FRMD1: variants seen among roughly 807,000 people sequenced by gnomAD.
The protein encoded by FRMD1 is FERM domain-containing protein 1.
FRMD1 carries 51 observed loss-of-function variants against 54.9 expected under a neutral mutation model. That is an observed-to-expected ratio of 0.93 (90% CI 0.74 to 1.17). The LOEUF (loss-of-function observed/expected upper bound fraction) is 1.17. Among genes scored for constraint, FRMD1 ranks in the 50% most tolerant of loss-of-function variants. FRMD1 has a pLI of 0.00. For synonymous variants in FRMD1, 324 were observed against 306.4 expected, an observed-to-expected ratio of 1.06 and a Z score of -0.60; for missense variants, 729 against 743.0, an observed-to-expected ratio of 0.98 and a Z score of 0.22.
chr6:168,057,958 T>A (rs951708805), intron 10 of FRMD1, among the ~76,000 whole-genome samples: 1 of 152,248 alleles, frequency 6.6e-6, no homozygotes, highest in South Asian at 2.1e-4. Flanking sequence ...CTTGCCCTTC[T>A]ACGCGTGTTT....
chr6:168,066,083 G>A (rs549549212), intron 4 of FRMD1: 1 of 998,012 alleles, frequency 1.0e-6, no homozygotes, highest in Admixed American at 6.1e-5. Flanking sequence ...AGAGTGGGCA[G>A]TGAACAGCGA....
intron 5 of FRMD1, 42 bp from the exon 6 acceptor site, chr6:168,063,798 C>A (rs1583177884): frequency 6.4e-7 from 1 of 1,561,272 alleles, no homozygotes; most frequent in Non-Finnish European, 8.7e-7. Flanking sequence ...CCCTGCTGGT[C>A]CCCCCTTCCT....
chr6:168,086,330 G>A (rs907748270), upstream of FRMD1, among the ~76,000 whole-genome samples: 2 of 151,060 alleles, frequency 1.3e-5, no homozygotes, highest in African/African-American at 4.9e-5. Context: ...CTTCAGTGTG[G>A]ACACCCGTGT....
In FRMD1 at chr6:168,066,185, C is replaced by T. The variant is rs142139098; in HGVS notation, c.461+570G>A. The T allele has an allele frequency of 2.5e-4, 244 of 987,354 alleles. No homozygotes were observed. The African/African-American group carries it at 3.8e-3, about 15-fold the overall frequency. The allele number at this position is 987,354 out of a possible 1,614,324, so 61.2% of individuals were successfully genotyped here. ...GATGGTATACCCACCCTAGAGAGTA[C>T]GAGTCCTGGCATTTGAGGAAGTACC... On this transcript the variant is annotated intron_variant, in intron 4 of 10. Transcript: ENST00000283309.
chr6:168,064,916 G>T lies in FRMD1; in HGVS notation c.603C>A (p.Ala201=), dbSNP rs149448671. 1.9e-5 allele frequency: 31 copies of T among 1,602,244 alleles called. No individual in the cohort carries two copies. The highest frequency in any genetic ancestry group is 2.6e-5 in the Non-Finnish European group (30 of 1,175,056). Residue 201 remains alanine (A), a synonymous_variant, in exon 5 of 11, where the codon GCC becomes GCA. Transcript: ENST00000283309. Reference sequence around the variant, plus strand: ...GTGGCTCGAAGTACCTCCCGGCATGGGCCGACTCCCGGTGCTCGCCCAGGT... The same window carrying T: ...GTGGCTCGAAGTACCTCCCGGCATGTGCCGACTCCCGGTGCTCGCCCAGGT... ...QADLGEHRES[A]HAGRYFEPHS...
At chr6:168,079,228 G>A, upstream of FRMD1, 1 of 1,415,866 alleles carries the variant, frequency 7.1e-7, no homozygotes, top group Non-Finnish European at 9.2e-7. Flanking sequence ...GGAAGCCTGG[G>A]CTGGGAATCC....
At chr6:168,078,464 G>A (rs1039995926) in intron 1 of FRMD1, among the ~76,000 whole-genome samples, 2 of 152,034 alleles carry the variant, frequency 1.3e-5, no homozygotes, top group African/African-American at 2.4e-5. Flanking sequence ...TAAGCAGAGT[G>A]AGGCGGTCCA....
intron 5 of FRMD1, among the ~76,000 whole-genome samples, chr6:168,064,584 G>A (rs540174753): frequency 6.6e-6 from 1 of 152,368 alleles, no homozygotes; most frequent in East Asian, 1.9e-4. Context: ...GGCTCAGAGA[G>A]GTGAAGCCAG....
chr6:168,074,435 CAT>C (rs1800461871), intron 2 of FRMD1, among the ~76,000 whole-genome samples: 1 of 151,846 alleles, frequency 6.6e-6, no homozygotes, highest in African/African-American at 2.4e-5. Context: ...CACATGTGTA[CAT>C]GTGCGAGTGG....
In FRMD1 at chr6:168,059,699, C is replaced by T. The variant is rs575436901; in HGVS notation, c.1343-511G>A. Among the ~76,000 whole-genome samples, 9 of 152,260 alleles carry T rather than the reference C, an allele frequency of 5.9e-5. No individual in the cohort carries two copies. The highest frequency in any genetic ancestry group is 2.1e-4 in the South Asian group (1 of 4,828). The stretch of plus-strand genomic sequence containing the variant: ...GACACTCAGAGACCAGCAGAGCTCA[C>T]GTCCCCTTTCTGGGGCAATGAGGAA... On this transcript the variant is annotated intron_variant, in intron 9 of 10. Transcript: ENST00000283309. The surrounding 1 kb of genome is among the most constrained non-coding windows in gnomAD (Gnocchi z 4.4).
chr6:168,066,950 G>A, intron 3 of FRMD1, 119 bp from the exon 4 acceptor site: 1 of 1,267,512 alleles, frequency 7.9e-7, no homozygotes, highest in Non-Finnish European at 1.1e-6. Context: ...CGAAGCTCAG[G>A]TGTCTGCAGC....
In FRMD1 at chr6:168,066,844, A is replaced by G. The variant is rs1323931587; in HGVS notation, c.385-13T>C. ...GTTTCTCATTTCCCTAGTGGGGAAA[A>G]TGCAAGAAAGAGCAAGTGAGCCGCA... is the stretch of plus-strand genomic sequence containing the variant. On this transcript the variant is annotated splice_polypyrimidine_tract_variant and intron_variant, in intron 3 of 10. Coordinates refer to ENST00000283309, the MANE Select transcript of FRMD1 (RefSeq NM_024919.6). 6.2e-7 allele frequency: 1 copy of G among 1,611,106 alleles called. No individual in the cohort carries two copies. The highest frequency in any genetic ancestry group is 8.5e-7 in the Non-Finnish European group (1 of 1,179,308).
At chr6:168,070,669 C>T (rs1176227061) in intron 2 of FRMD1, among the ~76,000 whole-genome samples, 34 of 152,344 alleles carry the variant, frequency 2.2e-4, no homozygotes, top group Admixed American at 2.2e-3. Flanking sequence ...CTCTTTCTCC[C>T]TCTATGTATC....
Position 168,057,200 on chromosome 6 carries a change from G to T in FRMD1, c.1547C>A (p.Ala516Glu), listed in dbSNP as rs1234838955. Residue 516 changes from alanine (A) to glutamate (E), a missense_variant, in exon 11 of 11, where the codon GCA becomes GAA. Transcript: ENST00000283309. Reference sequence around the variant, plus strand: ...AGTGGCCCTGGTCTCGCAGGGGCCTGCCAGCCTGCAGTCCAGGGCGCGGTG... The same window carrying T: ...AGTGGCCCTGGTCTCGCAGGGGCCTTCCAGCCTGCAGTCCAGGGCGCGGTG... ...TFHRALDCRL[A>E]GPCETRATLP... The T allele has an allele frequency of 6.2e-7, 1 of 1,604,002 alleles. No homozygotes were observed. The highest frequency in any genetic ancestry group is 8.5e-7 in the Non-Finnish European group (1 of 1,174,938).
In FRMD1 at chr6:168,059,502, G is replaced by A. The variant is rs77943374; in HGVS notation, c.1343-314C>T. On this transcript the variant is annotated intron_variant, in intron 9 of 10. Transcript: ENST00000283309. The surrounding 1 kb of genome is among the most constrained non-coding windows in gnomAD (Gnocchi z 4.4). ...GTGGACCAGACACTCCAAGGGCAATGGCGGACACAGTGGCTTAGTGACAGG... is the reference window on the plus strand; with the variant it reads ...GTGGACCAGACACTCCAAGGGCAATAGCGGACACAGTGGCTTAGTGACAGG... Among the ~76,000 whole-genome samples the A allele has an allele frequency of 6.9e-3, 1,053 of 152,304 alleles. 9 individuals are homozygous for A. Among genetic ancestry groups the A allele is most frequent in the African/African-American group, 0.024 (987 of 41,568 alleles).
In FRMD1 at chr6:168,054,793, C is replaced by A. The variant is rs370752216; in HGVS notation, c.*2304G>T. On this transcript the variant is annotated 3_prime_UTR_variant, in exon 11 of 11. Transcript: ENST00000283309. ...TGCTTCCAGCTCCGCTCCTGCCCCT[C>A]CAGGTGTGGGTGACGTGGAAGGGGG... 6.6e-6 allele frequency: 1 copy of A among 152,354 alleles called. No homozygotes were observed. Among genetic ancestry groups the A allele is most frequent in the South Asian group, 2.1e-4 (1 of 4,828 alleles). 9.4% of individuals were successfully genotyped at this position (152,354 alleles called of 1,614,324 possible). A position where few individuals can be genotyped will look rare whatever the true frequency, so the allele number is the denominator to read the frequency against.
Position 168,079,173 on chromosome 6 carries a change from G to C in FRMD1, c.-79C>G, listed in dbSNP as rs184643652. 61 of 1,451,372 alleles carry C rather than the reference G, an allele frequency of 4.2e-5. No homozygotes were observed. In the East Asian group the frequency reaches 4.2e-4, roughly 10 times the overall value. 89.9% of individuals were successfully genotyped at this position (1,451,372 alleles called of 1,614,324 possible). On this transcript the variant is annotated 5_prime_UTR_variant, in exon 1 of 11. Transcript: ENST00000283309. ...CTCCCAGATCACAGCTGTGCTTTCC[G>C]GGACCCGCCCTTGCCGAGCTTCTCA... is the stretch of plus-strand genomic sequence containing the variant.
chr6:168,080,681 G>A (rs1345433965), upstream of FRMD1, among the ~76,000 whole-genome samples: 2 of 152,156 alleles, frequency 1.3e-5, no homozygotes, highest in African/African-American at 2.4e-5. Flanking sequence ...GAACACCACC[G>A]GCACACACAG....
At chr6:168,078,799 C>CCTGCTCACCCCCACGGCT in intron 1 of FRMD1, 83 bp downstream of exon 1, 1 of 1,142,076 alleles carries the variant, frequency 8.8e-7, no homozygotes, top group Non-Finnish European at 1.2e-6. Flanking sequence ...CACCCAGGGC[C>CCTGCTCACCCCCACGGCT]CTGCTCACCC....
Sources: allele counts gnomAD v4.1 joint callset (sites outside exome capture counted in the v4.1 genomes callset), GRCh38; gene constraint gnomAD v4.1.1; non-coding constraint Gnocchi (gnomAD v3.1); transcripts MANE v1.5; gene names NCBI Gene and HGNC (gene_info 2026-07-23, HGNC 2026-07-21).